ACACA: variants seen among roughly 807,000 people sequenced by gnomAD.
The protein encoded by ACACA is acetyl-CoA carboxylase 1.
In ACACA, 103 loss-of-function variants were observed where a neutral mutation model predicts 296.1. The observed-to-expected ratio is 0.35, with a 90% confidence interval of 0.30 to 0.41. ACACA has a LOEUF of 0.41. ACACA is among the 10% of genes least tolerant of loss of function. ACACA has a pLI of 1.00. For synonymous variants in ACACA, 953 were observed against 1,038.6 expected, an observed-to-expected ratio of 0.92 and a Z score of 1.58; for missense variants, 1,554 against 2,989.7, an observed-to-expected ratio of 0.52 and a Z score of 11.20.
At position 37,241,997 on chromosome 17, in the gene ACACA, T is replaced by C. The variant is rs138443880; in HGVS notation, c.2988A>G (p.Glu996=). The C allele has an allele frequency of 1.7e-5, 28 of 1,613,850 alleles. No individual in the cohort carries two copies. In the African/African-American group the frequency reaches 3.6e-4, roughly 21 times the overall value. The change falls in exon 23 of 56, where the codon GAA becomes GAG. Residue 996 remains glutamate (E), a synonymous_variant. Transcript: ENST00000616317. ...TGCTCTGAGTATTCATAAAGAAGACTTCCCGTTCAGATTTCCGGTTCAATG... is the reference window on the plus strand; with the variant it reads ...TGCTCTGAGTATTCATAAAGAAGACCTCCCGTTCAGATTTCCGGTTCAATG... ...AATLNRKSER[E]VFFMNTQSIV...
intron 1 of ACACA, among the ~76,000 whole-genome samples, chr17:37,346,089 A>G (rs1328389350): frequency 6.6e-6 from 1 of 152,096 alleles, no homozygotes; most frequent in Non-Finnish European, 1.5e-5. Context: ...AGAGGAAAAA[A>G]AACCCAGGAA....
At chr17:37,291,768 C>T (rs1285336670) in intron 3 of ACACA, among the ~76,000 whole-genome samples, 2 of 152,036 alleles carry the variant, frequency 1.3e-5, no homozygotes, top group African/African-American at 2.4e-5. Flanking sequence ...GAAAGAACAC[C>T]TGATGATGTT....
chr17:37,283,984 T>C (rs1053135726), intron 4 of ACACA, among the ~76,000 whole-genome samples: 1 of 152,258 alleles, frequency 6.6e-6, no homozygotes, highest in Non-Finnish European at 1.5e-5. Flanking sequence ...TTACCTATCT[T>C]GCAGTCATGC....
intron 15 of ACACA, 46 bp downstream of exon 15, chr17:37,252,840 T>C: frequency 6.2e-7 from 1 of 1,609,530 alleles, no homozygotes; most frequent in African/African-American, 1.3e-5. Context: ...AGTACACAAG[T>C]CTATAAAAAC....
intron 1 of ACACA, among the ~76,000 whole-genome samples, chr17:37,394,282 C>T (rs1408984632): frequency 1.3e-5 from 2 of 151,600 alleles, no homozygotes; most frequent in Non-Finnish European, 1.5e-5. Context: ...TCAATCTCAG[C>T]TCACTGCAAC....
At chr17:37,344,355 C>T (rs2048519717) in intron 1 of ACACA, among the ~76,000 whole-genome samples, 1 of 151,672 alleles carries the variant, frequency 6.6e-6, no homozygotes, top group Non-Finnish European at 1.5e-5. Flanking sequence ...GTCAGGAGTT[C>T]GAGACCAGCC....
At chr17:37,239,977 C>CA (rs1405220204) in intron 24 of ACACA, among the ~76,000 whole-genome samples, 2 of 152,182 alleles carry the variant, frequency 1.3e-5, no homozygotes, top group African/African-American at 4.8e-5. Flanking sequence ...ACTTAAGAGA[C>CA]AATTTATCAT....
At chr17:37,248,338 C>G (rs1243709585) in intron 17 of ACACA, among the ~76,000 whole-genome samples, 182 bp from the exon 18 acceptor site, 1 of 152,182 alleles carries the variant, frequency 6.6e-6, no homozygotes, top group Non-Finnish European at 1.5e-5. Flanking sequence ...AAGAGGGCAA[C>G]CTTAGTTGAT....
At chr17:37,341,997 T>C (rs1371312584) in intron 1 of ACACA, among the ~76,000 whole-genome samples, 1 of 152,132 alleles carries the variant, frequency 6.6e-6, no homozygotes, top group Non-Finnish European at 1.5e-5. Flanking sequence ...GCTCATATAA[T>C]TGCTGTCTTA....
chr17:37,191,197 T>C lies in ACACA; in HGVS notation c.4495A>G (p.Asn1499Asp), dbSNP rs1203568719. 1 of 1,614,110 alleles carries C rather than the reference T, an allele frequency of 6.2e-7. No individual in the cohort carries two copies. Among genetic ancestry groups the C allele is most frequent in the Admixed American group, 1.7e-5 (1 of 60,012 alleles). Residue 1499 changes from asparagine (N) to aspartate (D), a missense_variant, in exon 38 of 56, where the codon AAC (asparagine) becomes GAC (aspartate). This residue lies in a region of ACACA where 35 missense variants were observed against 131.8 expected (regional missense o/e 0.27). Coordinates refer to ENST00000616317, the MANE Select transcript of ACACA (RefSeq NM_198834.3). Reference sequence around the variant, plus strand: ...CAGTCAGTGCGGACATTTGTATTGTTAAAAGCAACTTCCAACTCATCCATG... The same window carrying C: ...CAGTCAGTGCGGACATTTGTATTGTCAAAAGCAACTTCCAACTCATCCATG... ...EAMDELEVAF[N>D]NTNVRTDCNH... is the part of the protein sequence containing the mutation.
In ACACA at chr17:37,223,543, C is replaced by G; in HGVS notation, c.3533G>C (p.Ser1178Thr). ...FDVLPNFFYHSNQVVRMAALE... is the reference protein window; with the variant it reads ...FDVLPNFFYHTNQVVRMAALE... ...AGCTGCCATCCTCACTACTTGGTTG[C>G]TGTGATAGAAGAAGTTTGGTAGGAC... Residue 1178 changes from serine to threonine, a missense_variant, in exon 28 of 56, where the codon AGC becomes ACC. Physicochemically the swap from Ser to Thr is moderately conservative, Grantham distance 58. Around this residue, in one of 16 missense-constraint regions of ACACA, gnomAD observed 42 missense variants for 147.5 expected, o/e 0.28. Coordinates refer to ENST00000616317, the MANE Select transcript of ACACA (RefSeq NM_198834.3). 6.2e-7 allele frequency: 1 copy of G among 1,612,034 alleles called. No homozygotes were observed. Among genetic ancestry groups the G allele is most frequent in the South Asian group, 1.1e-5 (1 of 91,042 alleles).
chr17:37,284,331 C>T (rs1237549371), intron 4 of ACACA, among the ~76,000 whole-genome samples: 2 of 152,200 alleles, frequency 1.3e-5, no homozygotes, highest in Non-Finnish European at 2.9e-5. Context: ...ACTCCCTTAG[C>T]TTTCAAACCA....
chr17:37,258,129 T>A (rs181239243), intron 13 of ACACA, 83 bp downstream of exon 13: 87 of 1,513,752 alleles, frequency 5.7e-5, no homozygotes, highest in Non-Finnish European at 7.6e-5. Context: ...AGTCCCAAGA[T>A]ATTTCAGAAG....
At chr17:37,355,471 G>A (rs995149784) in intron 1 of ACACA, among the ~76,000 whole-genome samples, 9 of 151,396 alleles carry the variant, frequency 5.9e-5, no homozygotes, top group African/African-American at 1.9e-4. Context: ...CAGGAGAATC[G>A]CTTGCACATG....
At chr17:37,237,707 T>G (rs565114393) in intron 24 of ACACA, among the ~76,000 whole-genome samples, 1 of 152,342 alleles carries the variant, frequency 6.6e-6, no homozygotes, top group South Asian at 2.1e-4. Context: ...ATACTTCTAA[T>G]TATTTTTTAG....
At chr17:37,405,461 A>G (rs2051444258) in intron 1 of ACACA, among the ~76,000 whole-genome samples, 1 of 152,230 alleles carries the variant, frequency 6.6e-6, no homozygotes, top group Non-Finnish European at 1.5e-5. Flanking sequence ...CCTATCATAT[A>G]TTTATTGATG....
intron 3 of ACACA, among the ~76,000 whole-genome samples, chr17:37,317,202 C>G: frequency 6.6e-6 from 1 of 152,012 alleles, no homozygotes; most frequent in South Asian, 2.1e-4. Context: ...TGACATTTAT[C>G]CTTAAGTGGT....
intron 25 of ACACA, among the ~76,000 whole-genome samples, chr17:37,230,455 G>T (rs2145792550): frequency 6.6e-6 from 1 of 152,158 alleles, no homozygotes; most frequent in South Asian, 2.1e-4. Flanking sequence ...TTATCAAACA[G>T]TATGAATTAA....
At chr17:37,243,330 A>G (rs752733115) in intron 22 of ACACA, 41 bp downstream of exon 22, 1 of 1,568,850 alleles carries the variant, frequency 6.4e-7, no homozygotes, top group African/African-American at 1.4e-5. Flanking sequence ...AAACTCTGGC[A>G]TTGGTAGCCA....
Sources: gnomAD v4.1 joint callset for allele counts (sites outside exome capture counted in the v4.1 genomes callset) on GRCh38, gnomAD v4.1.1 for gene constraint, gnomAD v4.1.1 regional missense constraint, MANE v1.5 for transcripts, NCBI Gene and HGNC (gene_info 2026-07-23, HGNC 2026-07-21) for gene names.